ASB16: variants seen among roughly 807,000 people sequenced by gnomAD.
The protein encoded by ASB16 is ankyrin repeat and SOCS box protein 16.
Under a neutral mutation model 39.1 loss-of-function variants are expected in ASB16, and 44 were observed. The observed-to-expected ratio is 1.13, with a 90% CI of 0.88 to 1.45. The LOEUF (loss-of-function observed/expected upper bound fraction) is 1.45. Among genes scored for constraint, ASB16 ranks in the 40% most tolerant of loss-of-function variants. ASB16 has a pLI of 0.00. For synonymous variants in ASB16, 305 were observed against 286.7 expected (o/e 1.06, Z -0.64); for missense variants, 698 against 634.5 (o/e 1.10, Z -1.07).
Position 44,178,576 on chromosome 17 carries a change from G to C in ASB16, c.*186G>C. ...CAACTTCTACCACCTAGGTTCAAGC[G>C]ATTCTTGTGCCCCAAACTTCCGAGT... On this transcript the variant is annotated 3_prime_UTR_variant, in exon 5 of 5. Coordinates refer to ENST00000293414, the MANE Select transcript of ASB16 (RefSeq NM_080863.5). The C allele has an allele frequency of 6.2e-6, 4 of 647,654 alleles. 1 individual carries two copies. Among genetic ancestry groups the C allele is most frequent in the South Asian group, 6.0e-5 (3 of 49,644 alleles). 40.1% of individuals were successfully genotyped at this position (647,654 alleles called of 1,614,324 possible). A position where few individuals can be genotyped will look rare whatever the true frequency, so the allele number is the denominator to read the frequency against.
intron 2 of ASB16, among the ~76,000 whole-genome samples, chr17:44,174,133 G>A (rs1463557411): frequency 2.1e-5 from 3 of 145,376 alleles, no homozygotes; most frequent in Non-Finnish European, 4.4e-5. Flanking sequence ...TCCGCCTCCC[G>A]GGTTCCCGCC....
At chr17:44,172,400 C>T in intron 2 of ASB16, 87 bp downstream of exon 2, 1 of 1,488,158 alleles carries the variant, frequency 6.7e-7, no homozygotes, top group Non-Finnish European at 9.1e-7. Context: ...ACCTGACAAC[C>T]ACATGCAGCT....
At chr17:44,174,417 C>T (rs943634986) in intron 2 of ASB16, among the ~76,000 whole-genome samples, 3 of 152,016 alleles carry the variant, frequency 2.0e-5, no homozygotes, top group Non-Finnish European at 2.9e-5. Flanking sequence ...GGCTGGTCTC[C>T]GACTCCTGAG....
intron 2 of ASB16, among the ~76,000 whole-genome samples, chr17:44,174,363 A>T (rs1328255947): frequency 6.6e-6 from 1 of 151,734 alleles, no homozygotes; most frequent in East Asian, 1.9e-4. Flanking sequence ...TATTTTTTAA[A>T]AAGTATTATT....
At chr17:44,177,285 G>A (rs907541161) in intron 3 of ASB16, 55 bp downstream of exon 3, 1 of 1,471,598 alleles carries the variant, frequency 6.8e-7, no homozygotes. Flanking sequence ...CCCGCGGCTG[G>A]AACTGCTCCG....
chr17:44,173,997 G>C (rs1052443624), intron 2 of ASB16, among the ~76,000 whole-genome samples: 6 of 151,754 alleles, frequency 4.0e-5, no homozygotes, highest in Admixed American at 6.6e-5. Context: ...TCAGCTTCCA[G>C]GGTAGCCGGA....
chr17:44,177,915 C>T (rs1285531443), intron 4 of ASB16, 193 bp downstream of exon 4: 1 of 744,546 alleles, frequency 1.3e-6, no homozygotes, highest in East Asian at 2.7e-5. Flanking sequence ...CCTCTCCTGC[C>T]TCCCTCACTT....
At position 44,178,282 on chromosome 17, in the gene ASB16, T is replaced by A; in HGVS notation, c.1254T>A (p.Ala418=). The change falls in exon 5 of 5, where the codon GCT becomes GCA. Residue 418 remains alanine (A), a synonymous_variant. Coordinates refer to ENST00000293414, the MANE Select transcript of ASB16 (RefSeq NM_080863.5). The part of the protein sequence containing the change: ...PRQLQHLARL[A]VRARLGSRCR... ...AGCTGCAGCACCTGGCCCGACTAGC[T>A]GTGCGCGCTCGGTTGGGAAGCCGCT... 2 of 1,613,394 alleles carry A rather than the reference T, an allele frequency of 1.2e-6. No homozygotes were observed. Among genetic ancestry groups the A allele is most frequent in the South Asian group, 2.2e-5 (2 of 91,040 alleles).
At chr17:44,177,871 C>A in intron 4 of ASB16, 149 bp downstream of exon 4, 1 of 1,127,174 alleles carries the variant, frequency 8.9e-7, no homozygotes, top group Non-Finnish European at 1.2e-6. Context: ...TACCCCCTCC[C>A]CCGGTACCCC....
chr17:44,176,613 C>T, intron 2 of ASB16, 125 bp from the exon 3 acceptor site: 1 of 1,382,730 alleles, frequency 7.2e-7, no homozygotes, highest in African/African-American at 1.4e-5. Flanking sequence ...TTGTATGATT[C>T]TCATGGAGGA....
Position 44,170,739 on chromosome 17 carries a change from G to A in ASB16, c.-51G>A. 6.6e-7 allele frequency: 1 copy of A among 1,524,456 alleles called. No individual in the cohort carries two copies. Among genetic ancestry groups the A allele is most frequent in the Non-Finnish European group, 8.8e-7 (1 of 1,135,776 alleles). 94.4% of individuals were successfully genotyped at this position (1,524,456 alleles called of 1,614,324 possible). On this transcript the variant is annotated 5_prime_UTR_variant, in exon 1 of 5. Transcript: ENST00000293414. The stretch of plus-strand genomic sequence containing the variant: ...AGAGCAAGGGAGGTAGTCGGGTCGA[G>A]GGAACCTGGCTCTGCCCAGGTGCCA...
Position 44,171,070 on chromosome 17 carries a change from T to A in ASB16, c.281T>A (p.Leu94Gln). ...ATTGTGGAGACTGTGAGCAACCAGC[T>A]GGCCTGGTCGGCTGAACAGGGTAGG... ...NMIVETVSNQ[L>Q]AWSAEQGFWV... The change falls in exon 1 of 5, where the codon CTG (leucine) becomes CAG (glutamine). Residue 94 changes from leucine (L) to glutamine (Q), a missense_variant. By Grantham distance (113) the Leu-to-Gln change is moderately radical. Transcript: ENST00000293414. 6.2e-7 allele frequency: 1 copy of A among 1,613,802 alleles called. No homozygotes were observed. The highest frequency in any genetic ancestry group is 2.2e-5 in the East Asian group (1 of 44,860).
chr17:44,177,453 C>A, intron 3 of ASB16, 156 bp from the exon 4 acceptor site: 2 of 1,153,936 alleles, frequency 1.7e-6, no homozygotes, highest in South Asian at 1.6e-5. Flanking sequence ...TTGGAGCATA[C>A]TTGAGGGTGG....
chr17:44,177,097 C>A lies in ASB16; in HGVS notation c.929C>A (p.Ala310Asp). 1 of 1,481,394 alleles carries A rather than the reference C, an allele frequency of 6.8e-7. No homozygotes were observed. The highest frequency in any genetic ancestry group is 2.6e-5 in the East Asian group (1 of 37,872). 91.8% of individuals were successfully genotyped at this position (1,481,394 alleles called of 1,614,324 possible). A position where few individuals can be genotyped will look rare whatever the true frequency, so the allele number is the denominator to read the frequency against. Residue 310 changes from alanine to aspartate, a missense_variant, in exon 3 of 5, where the codon GCT (alanine) becomes GAT (aspartate). Transcript: ENST00000293414. ...AELLLRYGAR[A>D]EVPNGAGHTP... Reference sequence around the variant, plus strand: ...CTGCTGCTGCGTTACGGGGCCCGCGCTGAGGTCCCCAATGGGGCGGGCCAC... The same window carrying A: ...CTGCTGCTGCGTTACGGGGCCCGCGATGAGGTCCCCAATGGGGCGGGCCAC...
At chr17:44,171,960 G>T in intron 1 of ASB16, 86 bp from the exon 2 acceptor site, 1 of 1,407,076 alleles carries the variant, frequency 7.1e-7, no homozygotes, top group Non-Finnish European at 9.7e-7. Context: ...GAAGGCCAGT[G>T]TCAGCTGTCA....
intron 2 of ASB16, among the ~76,000 whole-genome samples, chr17:44,172,688 T>G (rs924124063): frequency 2.0e-5 from 3 of 149,482 alleles, no homozygotes; most frequent in Non-Finnish European, 3.0e-5. Flanking sequence ...TGCAGTGGCG[T>G]GGTCTCAGCT....
In ASB16 at chr17:44,172,037, T is replaced by C. The variant is rs916865184; in HGVS notation, c.302-9T>C. ...TACACCACCTCCCAAAACTATTTGCTCTCCCTAGGGTTCTGGGTGCTGACC... is the reference window on the plus strand; with the variant it reads ...TACACCACCTCCCAAAACTATTTGCCCTCCCTAGGGTTCTGGGTGCTGACC... On this transcript the variant is annotated splice_polypyrimidine_tract_variant and intron_variant, in intron 1 of 4. Coordinates refer to ENST00000293414, the MANE Select transcript of ASB16 (RefSeq NM_080863.5). The C allele has an allele frequency of 1.2e-5, 20 of 1,603,854 alleles. No individual in the cohort carries two copies. Among genetic ancestry groups the C allele is most frequent in the Non-Finnish European group, 1.6e-5 (19 of 1,173,402 alleles).
rs982404080 is a variant in ASB16, at chr17:44,177,174, C to G, written c.1006C>G (p.Pro336Ala). 1 of 1,534,062 alleles carries G rather than the reference C, an allele frequency of 6.5e-7. No homozygotes were observed. Among genetic ancestry groups the G allele is most frequent in the Non-Finnish European group, 8.8e-7 (1 of 1,141,662 alleles). ...CGTCCAGGACTCCCCCAACTGGGAGCCTGAAGTCCTTTTCGCCGCACTGCT... is the reference window on the plus strand; with the variant it reads ...CGTCCAGGACTCCCCCAACTGGGAGGCTGAAGTCCTTTTCGCCGCACTGCT... The part of the protein sequence containing the change: ...QAVQDSPNWE[P>A]EVLFAALLDY... The change falls in exon 3 of 5, where the codon CCT becomes GCT. Residue 336 changes from proline (P) to alanine (A), a missense_variant. Physicochemically the swap from Pro to Ala is conservative, Grantham distance 27. Coordinates refer to ENST00000293414, the MANE Select transcript of ASB16 (RefSeq NM_080863.5).
Position 44,170,780 on chromosome 17 carries a change from G to A in ASB16, c.-10G>A, listed in dbSNP as rs1416811555. On this transcript the variant is annotated 5_prime_UTR_variant, in exon 1 of 5. Coordinates refer to ENST00000293414, the MANE Select transcript of ASB16 (RefSeq NM_080863.5). ...CCAGGTGCCACTGCCCAAACCCCTGGGCCCCATCCATGGCAAGAGAGACCT... is the reference window on the plus strand; with the variant it reads ...CCAGGTGCCACTGCCCAAACCCCTGAGCCCCATCCATGGCAAGAGAGACCT... The A allele has an allele frequency of 6.3e-7, 1 of 1,579,678 alleles. No homozygotes were observed. The highest frequency in any genetic ancestry group is 1.2e-5 in the South Asian group (1 of 85,388).
Sources: gnomAD v4.1 joint callset for allele counts (sites outside exome capture counted in the v4.1 genomes callset) on GRCh38, gnomAD v4.1.1 for gene constraint, MANE v1.5 for transcripts, NCBI Gene and HGNC (gene_info 2026-07-23, HGNC 2026-07-21) for gene names.